Variants in NLGN1 observed in about 807,000 individuals in gnomAD.
NLGN1 encodes the protein neuroligin-1.
In NLGN1, 12 loss-of-function variants were observed where a neutral mutation model predicts 65.5. That is an observed-to-expected ratio of 0.18 (90% CI 0.12 to 0.30). The LOEUF (loss-of-function observed/expected upper bound fraction) is 0.30. Ranked by LOEUF, NLGN1 falls within the 10% of genes least tolerant of loss-of-function variation. NLGN1 has a pLI of 1.00. For missense variants in NLGN1, 750 were observed against 1,007.1 expected (o/e 0.74, Z 3.46); for synonymous variants, 350 against 359.5 (o/e 0.97, Z 0.30).
intron 3 of NLGN1, among the ~76,000 whole-genome samples, chr3:173,747,085 CACACACAA>C (rs1335541536): frequency 6.7e-6 from 1 of 149,694 alleles, no homozygotes; most frequent in Non-Finnish European, 1.5e-5. Context: ...CACACACACA[CACACACAA>C]ACACACACGT....
chr3:174,241,697 A>G (rs1742864787), intron 4 of NLGN1, among the ~76,000 whole-genome samples: 1 of 148,082 alleles, frequency 6.8e-6, no homozygotes. Flanking sequence ...TCTGTCCCCC[A>G]GGCTGGAGTG....
intron 4 of NLGN1, among the ~76,000 whole-genome samples, chr3:174,271,310 T>G: frequency 6.6e-6 from 1 of 151,842 alleles, no homozygotes; most frequent in East Asian, 1.9e-4. Context: ...CATTTTTTTT[T>G]TTAACATTCT....
intron 4 of NLGN1, among the ~76,000 whole-genome samples, chr3:174,078,195 G>A (rs1303378988): frequency 6.6e-6 from 1 of 152,106 alleles, no homozygotes; most frequent in East Asian, 1.9e-4. Context: ...AGATTATTTT[G>A]CTAATTAATG....
chr3:173,512,530 G>A (rs903684975), intron 2 of NLGN1, among the ~76,000 whole-genome samples: 4 of 152,132 alleles, frequency 2.6e-5, no homozygotes, highest in Non-Finnish European at 4.4e-5. Context: ...AACCTCTGCC[G>A]GCTGAGTCTG....
chr3:173,852,373 A>C (rs1362276473), intron 4 of NLGN1, among the ~76,000 whole-genome samples: 1 of 149,760 alleles, frequency 6.7e-6, no homozygotes, highest in African/African-American at 2.4e-5. Flanking sequence ...AAAAAAAAAA[A>C]AAAAAAAAAA....
chr3:173,756,016 T>C (rs1226400496), intron 3 of NLGN1, among the ~76,000 whole-genome samples: 1 of 152,126 alleles, frequency 6.6e-6, no homozygotes, highest in Non-Finnish European at 1.5e-5. Context: ...GTATTTTTAT[T>C]TTTAATTATA....
chr3:173,635,984 A>T (rs923589037), intron 3 of NLGN1, among the ~76,000 whole-genome samples: 5 of 152,084 alleles, frequency 3.3e-5, no homozygotes, highest in Admixed American at 6.6e-5. Flanking sequence ...AGCAGAAGAG[A>T]CTGTAGTATA....
chr3:174,155,779 G>A (rs9873978), intron 4 of NLGN1, among the ~76,000 whole-genome samples: 44,874 of 151,654 alleles, frequency 0.3, 7,879 homozygotes, highest in East Asian at 0.57. Flanking sequence ...GAACTGGAGT[G>A]TGTATATGCT....
intron 4 of NLGN1, among the ~76,000 whole-genome samples, chr3:174,105,637 G>T (rs556847102): frequency 2.1e-5 from 3 of 140,790 alleles, no homozygotes; most frequent in Non-Finnish European, 4.7e-5. Flanking sequence ...CAGGACAATT[G>T]TCTTCACCAT....
At chr3:174,260,590 T>G (rs1746701874) in intron 4 of NLGN1, among the ~76,000 whole-genome samples, 1 of 137,312 alleles carries the variant, frequency 7.3e-6, no homozygotes, top group African/African-American at 2.7e-5. Context: ...TATTAGCCCT[T>G]TGTCAGATGA....
intron 4 of NLGN1, among the ~76,000 whole-genome samples, chr3:173,974,426 A>C (rs1401929165): frequency 1.3e-5 from 2 of 152,056 alleles, no homozygotes; most frequent in East Asian, 3.9e-4. Context: ...TCTTCTAACA[A>C]ATAATTATTA....
chr3:173,455,377 A>T (rs954337277), intron 2 of NLGN1, among the ~76,000 whole-genome samples: 4 of 152,042 alleles, frequency 2.6e-5, no homozygotes, highest in African/African-American at 9.7e-5. Context: ...TTCATGAGGG[A>T]TCCACCCCCA....
At chr3:173,889,509 G>A (rs778083706) in intron 4 of NLGN1, among the ~76,000 whole-genome samples, 6 of 152,082 alleles carry the variant, frequency 3.9e-5, no homozygotes, top group East Asian at 1.9e-4. Flanking sequence ...GTGACATGTC[G>A]TTTTTAAAGT....
At chr3:173,607,841 G>T (rs955465854) in intron 3 of NLGN1, among the ~76,000 whole-genome samples, 12 of 151,414 alleles carry the variant, frequency 7.9e-5, no homozygotes, top group Non-Finnish European at 1.6e-4. Context: ...TGTGAGAGTG[G>T]CTGCTTTGCC....
chr3:173,577,958 C>T (rs553998051), intron 2 of NLGN1, among the ~76,000 whole-genome samples: 22 of 152,122 alleles, frequency 1.4e-4, no homozygotes, highest in African/African-American at 3.1e-4. Flanking sequence ...CATTTTAGGC[C>T]GGATGCGGTC....
At chr3:173,444,272 G>A (rs531248812) in intron 2 of NLGN1, among the ~76,000 whole-genome samples, 5 of 152,226 alleles carry the variant, frequency 3.3e-5, no homozygotes, top group African/African-American at 1.2e-4. Context: ...TAGATAAAAC[G>A]ATAGATGTCT....
intron 3 of NLGN1, among the ~76,000 whole-genome samples, chr3:173,784,998 A>G (rs1396638743): frequency 1.3e-5 from 2 of 150,366 alleles, no homozygotes; most frequent in South Asian, 2.1e-4. Context: ...ACATTAACAC[A>G]AAACAAATAT....
chr3:173,961,763 C>G (rs1168916058), intron 4 of NLGN1, among the ~76,000 whole-genome samples: 1 of 151,986 alleles, frequency 6.6e-6, no homozygotes, highest in African/African-American at 2.4e-5. Context: ...ATGATTCTTC[C>G]TCTTTTTTTC....
chr3:173,719,215 G>A (rs931233727), intron 3 of NLGN1, among the ~76,000 whole-genome samples: 1 of 152,136 alleles, frequency 6.6e-6, no homozygotes, highest in African/African-American at 2.4e-5. Context: ...CTTGCTCTAG[G>A]TAACTGAAAA....
Sources: allele counts gnomAD v4.1 joint callset (sites outside exome capture counted in the v4.1 genomes callset), GRCh38; gene constraint gnomAD v4.1.1; transcripts MANE v1.5; gene names NCBI Gene and HGNC (gene_info 2026-07-23, HGNC 2026-07-21).